The following ZFYVE21 variants were observed in gnomAD, a reference collection of about 807,000 sequenced individuals.
ZFYVE21 encodes the protein zinc finger FYVE domain-containing protein 21.
Under a neutral mutation model 29.5 loss-of-function variants are expected in ZFYVE21, and 21 were observed. That is an observed-to-expected ratio of 0.71 (90% confidence interval 0.50 to 1.02). ZFYVE21 has a LOEUF of 1.02. ZFYVE21 is among the 50% of genes least tolerant of loss of function. The pLI is 0.00. For synonymous variants in ZFYVE21, 151 were observed against 133.8 expected (o/e 1.13, Z -0.89); for missense variants, 326 against 335.4 (o/e 0.97, Z 0.22).
chr14:103,727,393 C>A (rs1374878678), intron 2 of ZFYVE21: 1 of 403,794 alleles, frequency 2.5e-6, no homozygotes, highest in Admixed American at 3.0e-5. Context: ...CCGCCCCGTC[C>A]CCGTGCCGCT....
intron 1 of ZFYVE21, chr14:103,725,324 G>A (rs950939455): frequency 9.8e-5 from 15 of 152,338 alleles, no homozygotes; most frequent in Admixed American, 9.2e-4. Context: ...GGAGGTTCGA[G>A]CTAGGAACCC....
chr14:103,733,253 T>TG lies in ZFYVE21; in HGVS notation c.*240dup, dbSNP rs112502838. ...AATTTGTGTATTGTCAATACTTAAT[T>TG]GGGGGTGGGAGAGACTGAGCTACAC... On this transcript the variant is annotated 3_prime_UTR_variant, in exon 7 of 7. Transcript: ENST00000311141. The TG allele has an allele frequency of 1.8e-6, 1 of 549,258 alleles. No homozygotes were observed. The allele number at this position is 549,258 out of a possible 1,614,324, so 34.0% of individuals were successfully genotyped here. A position where few individuals can be genotyped will look rare whatever the true frequency, so the allele number is the denominator to read the frequency against.
intron 5 of ZFYVE21, 185 bp from the exon 6 acceptor site, chr14:103,732,435 G>T: frequency 1.6e-6 from 1 of 609,294 alleles, no homozygotes; most frequent in Non-Finnish European, 2.5e-6. Flanking sequence ...CTGTGAGCTT[G>T]GGGTCTCCCC....
rs751133358 is a variant in ZFYVE21 at position 103,728,972 on chromosome 14, C to A, written c.423C>A (p.Ser141=). The A allele has an allele frequency of 6.2e-7, 1 of 1,613,942 alleles. No homozygotes were observed. The highest frequency in any genetic ancestry group is 1.1e-5 in the South Asian group (1 of 91,064). Residue 141 remains serine, a synonymous_variant, in exon 4 of 7, where the codon TCC becomes TCA. Coordinates refer to ENST00000311141, the MANE Select transcript of ZFYVE21 (RefSeq NM_024071.4). The part of the protein sequence containing the change: ...EKPETMTCRL[S]NNQRYLFLDG... ...CTGAAACTATGACTTGTCGTCTTTC[C>A]AATAACCAGAGGTAAGAGCCGGATC... is the stretch of plus-strand genomic sequence containing the variant.
rs559423989 is a variant in ZFYVE21, at chr14:103,717,891, G to T, written c.138+1912G>T. ...GTCTTACAGGCCAGAAACGACCAAAGACAGTGTTCTGGAGGAACTTAGAAC... is the reference window on the plus strand; with the variant it reads ...GTCTTACAGGCCAGAAACGACCAAATACAGTGTTCTGGAGGAACTTAGAAC... On this transcript the variant is annotated intron_variant, in intron 1 of 6. Coordinates refer to ENST00000311141, the MANE Select transcript of ZFYVE21 (RefSeq NM_024071.4). Among the ~76,000 whole-genome samples, 3 of 152,366 alleles carry T rather than the reference G, an allele frequency of 2.0e-5. No individual in the cohort carries two copies. In the East Asian group the frequency reaches 5.8e-4, roughly 29 times the overall value.
In ZFYVE21 at chr14:103,715,832, A is replaced by C; in HGVS notation, c.-10A>C. Reference sequence around the variant, plus strand: ...TGCGGGGCCGCTGGCCGAGAGGCTGAGGCGGCGTCATGTCCTCCGAGGTGT... The same window carrying C: ...TGCGGGGCCGCTGGCCGAGAGGCTGCGGCGGCGTCATGTCCTCCGAGGTGT... On this transcript the variant is annotated 5_prime_UTR_variant, in exon 1 of 7. Coordinates refer to ENST00000311141, the MANE Select transcript of ZFYVE21 (RefSeq NM_024071.4). 1 of 1,390,074 alleles carries C rather than the reference A, an allele frequency of 7.2e-7. No homozygotes were observed. The highest frequency in any genetic ancestry group is 9.4e-7 in the Non-Finnish European group (1 of 1,064,948). The allele number at this position is 1,390,074 out of a possible 1,614,324, so 86.1% of individuals were successfully genotyped here.
intron 1 of ZFYVE21, among the ~76,000 whole-genome samples, chr14:103,719,741 G>A (rs116663684): frequency 6.6e-6 from 1 of 152,230 alleles, no homozygotes; most frequent in African/African-American, 2.4e-5. Flanking sequence ...AGCCTCCACA[G>A]GTGTTCTGGG....
At chr14:103,729,327 C>T (rs2295147) in intron 5 of ZFYVE21, 145 bp downstream of exon 5, 378,919 of 771,252 alleles carry the variant, frequency 0.49, 97,194 homozygotes, top group African/African-American at 0.83. Flanking sequence ...TTTCCTCTTT[C>T]GCGGGGCGTG....
intron 5 of ZFYVE21, chr14:103,730,953 C>T (rs570668034): frequency 6.6e-6 from 1 of 152,480 alleles, no homozygotes; most frequent in South Asian, 2.1e-4. Flanking sequence ...CACTGACAGG[C>T]AAGGTTCCCC....
chr14:103,723,669 C>T (rs895517837), intron 1 of ZFYVE21, among the ~76,000 whole-genome samples: 6 of 152,190 alleles, frequency 3.9e-5, no homozygotes, highest in African/African-American at 9.6e-5. Flanking sequence ...GCGCCACAAC[C>T]GGGACCTCTG....
At chr14:103,717,999 C>T (rs1450977071) in intron 1 of ZFYVE21, among the ~76,000 whole-genome samples, 4 of 152,192 alleles carry the variant, frequency 2.6e-5, no homozygotes, top group African/African-American at 9.7e-5. Context: ...TAACAGTCGC[C>T]TGGCATGTGG....
Position 103,733,148 on chromosome 14 carries a change from T to A in ZFYVE21, c.*130T>A. ...CTGGGAAATGCAACTCACTCATGTA[T>A]TTGGAGAAACAGGAGTGTTCACTTA... On this transcript the variant is annotated 3_prime_UTR_variant, in exon 7 of 7. Transcript: ENST00000311141. The A allele has an allele frequency of 8.1e-7, 1 of 1,239,446 alleles. No individual in the cohort carries two copies. Among genetic ancestry groups the A allele is most frequent in the African/African-American group, 1.5e-5 (1 of 67,000 alleles). 76.8% of individuals were successfully genotyped at this position (1,239,446 alleles called of 1,614,324 possible).
chr14:103,720,014 G>C (rs2083859914), intron 1 of ZFYVE21, among the ~76,000 whole-genome samples: 1 of 152,120 alleles, frequency 6.6e-6, no homozygotes, highest in Admixed American at 6.5e-5. Context: ...TCTTCAAACT[G>C]TCTGACAGCT....
intron 1 of ZFYVE21, chr14:103,725,786 TCTAA>T (rs2151951962): frequency 6.6e-6 from 1 of 152,350 alleles, no homozygotes; most frequent in South Asian, 2.1e-4. Flanking sequence ...CTGTTTTATT[TCTAA>T]CTGATTTCAA....
chr14:103,724,135 T>C (rs2083898720), intron 1 of ZFYVE21, among the ~76,000 whole-genome samples: 1 of 152,202 alleles, frequency 6.6e-6, no homozygotes, highest in African/African-American at 2.4e-5. Flanking sequence ...ACAGGGAGGC[T>C]GTGCAGCCAT....
At chr14:103,721,903 A>G (rs2083875583) in intron 1 of ZFYVE21, among the ~76,000 whole-genome samples, 1 of 152,164 alleles carries the variant, frequency 6.6e-6, no homozygotes, top group South Asian at 2.1e-4. Flanking sequence ...TGTACCTGGG[A>G]TGTGACGCAG....
rs1365374496 is a variant in ZFYVE21 at position 103,723,966 on chromosome 14, A to G, written c.139-2826A>G. On this transcript the variant is annotated intron_variant, in intron 1 of 6. Coordinates refer to ENST00000311141, the MANE Select transcript of ZFYVE21 (RefSeq NM_024071.4). The stretch of plus-strand genomic sequence containing the variant: ...TGGTGAGGGTGGCGGCTGTGATGGC[A>G]CCGCATCAGAGCAGCTCCTCCACAC... Among the ~76,000 whole-genome samples the G allele has an allele frequency of 2.0e-5, 3 of 152,282 alleles. No individual in the cohort carries two copies. The East Asian group carries it at 5.8e-4, about 29-fold the overall frequency.
At position 103,716,296 on chromosome 14, in the gene ZFYVE21, C is replaced by T. The variant is rs1325818633; in HGVS notation, c.138+317C>T. On this transcript the variant is annotated intron_variant, in intron 1 of 6. Transcript: ENST00000311141. This position sits in a 1 kb window ranked among gnomAD's most constrained non-coding sequence, Gnocchi z 4.8. ...GTCCCGGGGGTGGGTGCGGCCCTGC[C>T]CGAGGCCGGTTCGTGCTGGGCTAGC... is the stretch of plus-strand genomic sequence containing the variant. Among the ~76,000 whole-genome samples, 1 of 152,152 alleles carries T rather than the reference C, an allele frequency of 6.6e-6. No individual in the cohort carries two copies. The highest frequency in any genetic ancestry group is 2.4e-5 in the African/African-American group (1 of 41,448).
chr14:103,718,467 A>G (rs1468125332), intron 1 of ZFYVE21, among the ~76,000 whole-genome samples: 7 of 152,216 alleles, frequency 4.6e-5, no homozygotes, highest in Non-Finnish European at 5.9e-5. Context: ...CTGACGCAGA[A>G]CCAGTTGAGA....
Sources: gnomAD v4.1 joint callset for allele counts (sites outside exome capture counted in the v4.1 genomes callset) on GRCh38, gnomAD v4.1.1 for gene constraint, Gnocchi (gnomAD v3.1) non-coding constraint, MANE v1.5 for transcripts, NCBI Gene and HGNC (gene_info 2026-07-23, HGNC 2026-07-21) for gene names.